SATB2: variants seen among roughly 807,000 people sequenced by gnomAD.
SATB2 encodes DNA-binding protein SATB2.
SATB2 carries 1 observed loss-of-function variant against 73.4 expected under a neutral mutation model. The observed-to-expected ratio is 0.01, with a 90% CI of 0.00 to 0.06. SATB2 has a LOEUF of 0.06. SATB2 is among the 10% of genes least tolerant of loss of function. The pLI is 1.00. For missense variants in SATB2, 459 were observed against 945.8 expected, an observed-to-expected ratio of 0.49 and a Z score of 6.75; for synonymous variants, 397 against 367.0, an observed-to-expected ratio of 1.08 and a Z score of -0.93.
intron 10 of SATB2, among the ~76,000 whole-genome samples, chr2:199,294,633 C>T (rs1051236744): frequency 6.6e-6 from 1 of 152,076 alleles, no homozygotes; most frequent in Non-Finnish European, 1.5e-5. Context: ...TGACATTGGC[C>T]CACCACAATT....
intron 5 of SATB2, among the ~76,000 whole-genome samples, chr2:199,375,809 T>C (rs1689582583): frequency 6.6e-6 from 1 of 152,212 alleles, no homozygotes; most frequent in South Asian, 2.1e-4. Context: ...GAAAGGGTTT[T>C]AGTTCCTCCC....
At chr2:199,408,489 A>G (rs191165290) in intron 3 of SATB2, among the ~76,000 whole-genome samples, 67 of 152,270 alleles carry the variant, frequency 4.4e-4, no homozygotes, top group African/African-American at 1.4e-3. Context: ...AGGTAATGAG[A>G]TAAGTTCGTG....
At position 199,339,466 on chromosome 2, in the gene SATB2, T is replaced by C. The variant is rs554667357; in HGVS notation, c.1173+9235A>G. 8.5e-5 allele frequency among the ~76,000 whole-genome samples: 13 copies of C among 152,322 alleles called. No individual in the cohort carries two copies. The South Asian group carries it at 2.7e-3, about 32-fold the overall frequency. The stretch of plus-strand genomic sequence containing the variant: ...AATGTTCTGAAATCAAAAGAGGGTA[T>C]ATTATTTACTTCAAAACTCAATAAC... On this transcript the variant is annotated intron_variant, in intron 7 of 10. Transcript: ENST00000417098.
At chr2:199,366,207 G>T (rs1345603867) in intron 6 of SATB2, among the ~76,000 whole-genome samples, 2 of 151,968 alleles carry the variant, frequency 1.3e-5, no homozygotes, top group Non-Finnish European at 2.9e-5. Flanking sequence ...TGACTTCTGG[G>T]GTCTCAGAAA....
chr2:199,308,485 A>G lies in SATB2; in HGVS notation c.1740+275T>C, dbSNP rs969031229. ...CTGGCTTTACAATCCCACAAGTAAA[A>G]TGATCTCAGGAAAGCAGCTGTCTTT... is the stretch of plus-strand genomic sequence containing the variant. On this transcript the variant is annotated intron_variant, in intron 10 of 10. Transcript: ENST00000417098. The surrounding 1 kb of genome is among the most constrained non-coding windows in gnomAD (Gnocchi z 4.6). 1.3e-5 allele frequency among the ~76,000 whole-genome samples: 2 copies of G among 152,112 alleles called. No individual in the cohort carries two copies. The highest frequency in any genetic ancestry group is 2.4e-5 in the African/African-American group (1 of 41,396).
intron 6 of SATB2, among the ~76,000 whole-genome samples, chr2:199,350,791 G>A (rs1246686409): frequency 3.3e-5 from 5 of 152,022 alleles, no homozygotes; most frequent in African/African-American, 1.2e-4. Context: ...GGGAGGCCGA[G>A]GCTGGTGGAT....
intron 10 of SATB2, among the ~76,000 whole-genome samples, chr2:199,299,317 T>C (rs1687213891): frequency 6.6e-6 from 1 of 152,212 alleles, no homozygotes; most frequent in Non-Finnish European, 1.5e-5. Flanking sequence ...CTTTAGACTC[T>C]ATAGAATAGA....
At chr2:199,331,416 G>T (rs1688187728) in intron 7 of SATB2, among the ~76,000 whole-genome samples, 1 of 152,020 alleles carries the variant, frequency 6.6e-6, no homozygotes, top group Admixed American at 6.6e-5. Context: ...TGTTTCCTCT[G>T]TTTCATTTGC....
chr2:199,365,388 A>G (rs957478077), intron 6 of SATB2, among the ~76,000 whole-genome samples: 1 of 152,046 alleles, frequency 6.6e-6, no homozygotes, highest in Non-Finnish European at 1.5e-5. Flanking sequence ...TTCCTGGGAA[A>G]CAGATTCATG....
At chr2:199,356,225 C>CAAAAAAAAAA (rs200509001) in intron 6 of SATB2, among the ~76,000 whole-genome samples, 9 of 100,978 alleles carry the variant, frequency 8.9e-5, no homozygotes, top group South Asian at 8.1e-4. Context: ...GAACATAAGC[C>CAAAAAAAAAA]AAAAAAAAAA....
intron 7 of SATB2, among the ~76,000 whole-genome samples, chr2:199,329,697 C>T (rs1688133748): frequency 6.6e-6 from 1 of 152,062 alleles, no homozygotes; most frequent in South Asian, 2.1e-4. Context: ...GTGACTCACC[C>T]AAATAGAAAG....
intron 9 of SATB2, among the ~76,000 whole-genome samples, chr2:199,314,732 A>T (rs1433873328): frequency 6.6e-6 from 1 of 152,124 alleles, no homozygotes; most frequent in East Asian, 1.9e-4. Flanking sequence ...CCAGGTGGGG[A>T]GAGGACTGAA....
chr2:199,445,713 A>T (rs1334062760), intron 2 of SATB2, among the ~76,000 whole-genome samples: 2 of 152,178 alleles, frequency 1.3e-5, no homozygotes, highest in Non-Finnish European at 2.9e-5. Flanking sequence ...AAGGTGTAAT[A>T]ACTTCCTATT....
At chr2:199,451,773 T>C (rs1366974200) in intron 2 of SATB2, among the ~76,000 whole-genome samples, 1 of 152,244 alleles carries the variant, frequency 6.6e-6, no homozygotes, top group East Asian at 1.9e-4. Flanking sequence ...GTAGACAATG[T>C]TCAGCTTTAA....
intron 3 of SATB2, among the ~76,000 whole-genome samples, chr2:199,382,782 G>C (rs1574569919): frequency 6.6e-6 from 1 of 152,274 alleles, no homozygotes; most frequent in East Asian, 1.9e-4. Flanking sequence ...CATGTCTCCA[G>C]GATGTCAGAA....
chr2:199,362,338 C>T (rs1033168574), intron 6 of SATB2, among the ~76,000 whole-genome samples: 8 of 151,372 alleles, frequency 5.3e-5, no homozygotes, highest in Non-Finnish European at 8.8e-5. Flanking sequence ...ATAATTCATG[C>T]GCTGTCTCTC....
chr2:199,332,723 C>T (rs1688223546), intron 7 of SATB2, among the ~76,000 whole-genome samples: 1 of 151,994 alleles, frequency 6.6e-6, no homozygotes, highest in Non-Finnish European at 1.5e-5. Flanking sequence ...TCCATACTTC[C>T]TTAACAATTT....
At chr2:199,458,514 G>T (rs1438372491), upstream of SATB2, 1 of 375,294 alleles carries the variant, frequency 2.7e-6, no homozygotes, top group Admixed American at 3.2e-5. Flanking sequence ...GCGGGCACCG[G>T]GGCCCAGGGT....
chr2:199,378,565 T>C (rs1689670587), intron 5 of SATB2, among the ~76,000 whole-genome samples: 1 of 152,196 alleles, frequency 6.6e-6, no homozygotes, highest in African/African-American at 2.4e-5. Flanking sequence ...TAATGTCCTT[T>C]TCTATCTAGC....
Sources: gnomAD v4.1 joint callset for allele counts (sites outside exome capture counted in the v4.1 genomes callset) on GRCh38, gnomAD v4.1.1 for gene constraint, Gnocchi (gnomAD v3.1) non-coding constraint, MANE v1.5 for transcripts, NCBI Gene and HGNC (gene_info 2026-07-23, HGNC 2026-07-21) for gene names.